SPAG16: variants seen among roughly 807,000 people sequenced by gnomAD.
SPAG16 encodes the protein sperm-associated antigen 16 protein.
Under a neutral mutation model 80.4 loss-of-function variants are expected in SPAG16, and 86 were observed. The ratio of observed to expected loss-of-function variants is 1.07; its 90% CI spans 0.90 to 1.28. The LOEUF (loss-of-function observed/expected upper bound fraction) is 1.28. SPAG16 is among the 50% of genes most tolerant of loss of function. The probability of loss-of-function intolerance (pLI) is 0.00; values close to 1 mark genes in which losing one functional copy is unlikely to be tolerated. For synonymous variants in SPAG16, 294 were observed against 265.9 expected (o/e 1.11, Z -1.03); for missense variants, 870 against 765.3 (o/e 1.14, Z -1.61).
At chr2:213,884,265 A>G (rs1354917240) in intron 11 of SPAG16, among the ~76,000 whole-genome samples, 6 of 152,074 alleles carry the variant, frequency 3.9e-5, no homozygotes, top group African/African-American at 1.4e-4. Context: ...TCCCTTATGA[A>G]GATTAGTTTG....
intron 15 of SPAG16, among the ~76,000 whole-genome samples, chr2:214,377,577 C>T (rs1470674422): frequency 6.6e-6 from 1 of 152,282 alleles, no homozygotes; most frequent in East Asian, 1.9e-4. Flanking sequence ...GGACATATAA[C>T]ATACAAAATA....
intron 15 of SPAG16, among the ~76,000 whole-genome samples, chr2:214,291,372 C>T (rs1399367863): frequency 1.7e-5 from 2 of 115,366 alleles, no homozygotes; most frequent in Admixed American, 2.5e-4. Context: ...GTGGCGGGAT[C>T]TCGGCTCACT....
intron 10 of SPAG16, among the ~76,000 whole-genome samples, chr2:213,703,852 T>G (rs2065617030): frequency 6.6e-6 from 1 of 152,250 alleles, no homozygotes. Context: ...AGATCTGCAT[T>G]GCAGTCTGGC....
intron 15 of SPAG16, among the ~76,000 whole-genome samples, chr2:214,365,759 C>G (rs1285147094): frequency 1.3e-5 from 2 of 152,092 alleles, no homozygotes; most frequent in African/African-American, 4.8e-5. Context: ...GAGATGACAA[C>G]TTTATTAGTC....
chr2:214,123,758 A>T (rs922568489), intron 14 of SPAG16, among the ~76,000 whole-genome samples: 4 of 152,016 alleles, frequency 2.6e-5, no homozygotes, highest in Non-Finnish European at 5.9e-5. Flanking sequence ...AGAAATCCTA[A>T]AAGTTCTGAA....
intron 15 of SPAG16, among the ~76,000 whole-genome samples, chr2:214,285,856 G>A (rs567942369): frequency 9.9e-5 from 15 of 152,172 alleles, no homozygotes; most frequent in Non-Finnish European, 2.1e-4. Flanking sequence ...AAAAGCAGAC[G>A]CTTTTAGTTT....
chr2:213,336,482 A>G (rs2064365168), intron 5 of SPAG16, among the ~76,000 whole-genome samples: 1 of 152,146 alleles, frequency 6.6e-6, no homozygotes, highest in Non-Finnish European at 1.5e-5. Flanking sequence ...GCCTAGGAAG[A>G]CTTAATTCCG....
At chr2:213,980,196 T>TTA (rs1469720800) in intron 12 of SPAG16, among the ~76,000 whole-genome samples, 7 of 141,520 alleles carry the variant, frequency 4.9e-5, no homozygotes, top group African/African-American at 1.6e-4. Flanking sequence ...AATACAAATT[T>TTA]TATATATATA....
At chr2:214,096,243 T>G (rs1010104643) in intron 13 of SPAG16, among the ~76,000 whole-genome samples, 1 of 151,728 alleles carries the variant, frequency 6.6e-6, no homozygotes, top group Non-Finnish European at 1.5e-5. Flanking sequence ...TTTATGATGC[T>G]GGTAGTTTTA....
In SPAG16 at chr2:213,659,742, A is replaced by AT. The variant is rs566281769; in HGVS notation, c.1070+169660dup. Among the ~76,000 whole-genome samples, 167 of 151,942 alleles carry AT rather than the reference A, an allele frequency of 1.1e-3. 1 individual carries two copies. The highest frequency in any genetic ancestry group is 3.7e-3 in the African/African-American group (153 of 41,446). On this transcript the variant is annotated intron_variant, in intron 10 of 15. Transcript: ENST00000331683. ...ATTCCAGTAACCATATTAAGTCAGTATTTTTTTTCCATTTTCTAATTACTG... is the reference window on the plus strand; with the variant it reads ...ATTCCAGTAACCATATTAAGTCAGTATTTTTTTTTCCATTTTCTAATTACTG...
intron 10 of SPAG16, among the ~76,000 whole-genome samples, chr2:213,550,922 T>TA (rs1222916998): frequency 6.6e-6 from 1 of 151,948 alleles, no homozygotes; most frequent in East Asian, 1.9e-4. Context: ...ATTTTCTTTT[T>TA]AAATCAAAGT....
intron 10 of SPAG16, among the ~76,000 whole-genome samples, chr2:213,764,462 T>C (rs2068826977): frequency 6.6e-6 from 1 of 152,190 alleles, no homozygotes; most frequent in African/African-American, 2.4e-5. Flanking sequence ...GAACTAGATA[T>C]AGTGTCCTTG....
chr2:213,330,808 G>A (rs1202668596), intron 5 of SPAG16, among the ~76,000 whole-genome samples: 1 of 152,172 alleles, frequency 6.6e-6, no homozygotes, highest in Non-Finnish European at 1.5e-5. Context: ...CCAGTGGGAG[G>A]TAATTGAATC....
intron 15 of SPAG16, among the ~76,000 whole-genome samples, chr2:214,354,113 T>G (rs1408582010): frequency 2.8e-5 from 2 of 70,526 alleles, no homozygotes; most frequent in Non-Finnish European, 1.1e-4. Flanking sequence ...TAAATATATA[T>G]ACCTACTATG....
At chr2:214,052,138 G>A (rs1452579247) in intron 13 of SPAG16, among the ~76,000 whole-genome samples, 2 of 151,994 alleles carry the variant, frequency 1.3e-5, no homozygotes, top group African/African-American at 4.8e-5. Context: ...TTATTGGTAG[G>A]ACTATTTTTG....
chr2:213,385,766 G>A (rs947365944), intron 9 of SPAG16, among the ~76,000 whole-genome samples: 1 of 143,376 alleles, frequency 7.0e-6, no homozygotes, highest in Non-Finnish European at 1.5e-5. Flanking sequence ...TTTTAAGTAC[G>A]TTGTCTCAGA....
chr2:214,310,932 G>A (rs372965653), intron 15 of SPAG16, among the ~76,000 whole-genome samples: 5 of 152,108 alleles, frequency 3.3e-5, no homozygotes, highest in Non-Finnish European at 4.4e-5. Context: ...AATTAGCCCC[G>A]TTCTATGTAC....
At chr2:213,414,529 C>T (rs1231526786) in intron 9 of SPAG16, among the ~76,000 whole-genome samples, 2 of 152,178 alleles carry the variant, frequency 1.3e-5, no homozygotes, top group Admixed American at 6.5e-5. Context: ...TTCAAATTCT[C>T]ATTTTCAAAC....
At chr2:213,701,773 G>T (rs187618572) in intron 10 of SPAG16, among the ~76,000 whole-genome samples, 192 of 152,284 alleles carry the variant, frequency 1.3e-3, no homozygotes, top group Non-Finnish European at 2.3e-3. Flanking sequence ...TCTAGCTCAG[G>T]GATTGTAAAC....
Sources: gnomAD v4.1 joint callset for allele counts (sites outside exome capture counted in the v4.1 genomes callset) on GRCh38, gnomAD v4.1.1 for gene constraint, MANE v1.5 for transcripts, NCBI Gene and HGNC (gene_info 2026-07-23, HGNC 2026-07-21) for gene names.